RBMS1: variants seen among roughly 807,000 people sequenced by gnomAD.
RBMS1 encodes RNA-binding motif, single-stranded-interacting protein 1.
A neutral mutation model predicts 62.3 loss-of-function variants in RBMS1; 17 were observed. That is an observed-to-expected ratio of 0.27 (90% CI 0.19 to 0.41). RBMS1 has a LOEUF of 0.41. Among genes scored for constraint, RBMS1 ranks in the 10% least tolerant of loss-of-function variants. RBMS1 has a pLI of 1.00. For missense variants in RBMS1, 334 were observed against 504.5 expected (o/e 0.66, Z 3.24); for synonymous variants, 172 against 170.0 (o/e 1.01, Z -0.09).
chr2:160,481,893 T>G (rs548376246), intron 1 of RBMS1, among the ~76,000 whole-genome samples: 24 of 152,298 alleles, frequency 1.6e-4, no homozygotes, highest in African/African-American at 5.1e-4. Flanking sequence ...TTCTCATGCC[T>G]TGCTGGCAGG....
rs1694385862 is a variant in RBMS1, at chr2:160,383,416, A to G, written c.76-16025T>C. The stretch of plus-strand genomic sequence containing the variant: ...TTAATTACAACCACCCTATTTCCAA[A>G]TAAGGTTACATTCTGGGGTTCTGGT... On this transcript the variant is annotated intron_variant, in intron 1 of 13. Transcript: ENST00000348849. Among the ~76,000 whole-genome samples, 3 of 144,170 alleles carry G rather than the reference A, an allele frequency of 2.1e-5. No homozygotes were observed. In the Admixed American group the frequency reaches 2.1e-4, roughly 10 times the overall value. 94.6% of individuals were successfully genotyped at this position (144,170 alleles called of 152,430 possible). A position where few individuals can be genotyped will look rare whatever the true frequency, so the allele number is the denominator to read the frequency against.
chr2:160,337,524 T>C (rs1396344929), intron 2 of RBMS1, among the ~76,000 whole-genome samples: 1 of 152,164 alleles, frequency 6.6e-6, no homozygotes, highest in Non-Finnish European at 1.5e-5. Flanking sequence ...CTACAATTCT[T>C]CCTTCATTCC....
At chr2:160,447,653 G>A (rs1683712827) in intron 1 of RBMS1, among the ~76,000 whole-genome samples, 1 of 152,206 alleles carries the variant, frequency 6.6e-6, no homozygotes, top group Non-Finnish European at 1.5e-5. Flanking sequence ...CTAGAATATA[G>A]TGCAGGACAT....
chr2:160,361,641 G>T (rs753521548), intron 2 of RBMS1, among the ~76,000 whole-genome samples: 1 of 152,080 alleles, frequency 6.6e-6, no homozygotes, highest in South Asian at 2.1e-4. Context: ...AAAAAAGCCC[G>T]GTGTGCATAC....
Position 160,318,229 on chromosome 2 carries a change from T to TA in RBMS1, c.252-3dup, listed in dbSNP as rs5835799. 30,406 of 1,149,744 alleles carry TA rather than the reference T, an allele frequency of 0.026. 12 individuals carry two copies. The highest frequency in any genetic ancestry group is 0.042 in the South Asian group (2,064 of 49,030). The allele number at this position is 1,149,744 out of a possible 1,614,324, so 71.2% of individuals were successfully genotyped here. The stretch of plus-strand genomic sequence containing the variant: ...TTTGTGGAGACTATTTTCCCATATC[T>TA]AAAAAAAAAAAAAAAAAAAAAAAGG... On this transcript the variant is annotated splice_polypyrimidine_tract_variant and splice_region_variant and intron_variant, in intron 2 of 13. Transcript: ENST00000348849.
chr2:160,384,207 A>C (rs62177317), intron 1 of RBMS1, among the ~76,000 whole-genome samples: 11,657 of 152,274 alleles, frequency 0.077, 619 homozygotes, highest in South Asian at 0.19. Flanking sequence ...AAAATAAATA[A>C]ATAAATAAAT....
chr2:160,375,379 G>A (rs1258627095), intron 1 of RBMS1, among the ~76,000 whole-genome samples: 2 of 152,196 alleles, frequency 1.3e-5, no homozygotes, highest in African/African-American at 2.4e-5. Flanking sequence ...TTCTAAATAT[G>A]TAAGCTATCC....
At chr2:160,338,256 A>T (rs1465930138) in intron 2 of RBMS1, among the ~76,000 whole-genome samples, 1 of 152,222 alleles carries the variant, frequency 6.6e-6, no homozygotes, top group African/African-American at 2.4e-5. Flanking sequence ...GGCAGTTCTT[A>T]ATATGAATAA....
At chr2:160,454,415 G>A (rs1684125727) in intron 1 of RBMS1, among the ~76,000 whole-genome samples, 1 of 152,184 alleles carries the variant, frequency 6.6e-6, no homozygotes, top group Non-Finnish European at 1.5e-5. Context: ...AATGCAGTAG[G>A]TGCCATATAA....
chr2:160,396,144 C>T (rs1000177794), intron 1 of RBMS1, among the ~76,000 whole-genome samples: 2 of 151,840 alleles, frequency 1.3e-5, no homozygotes, highest in African/African-American at 4.9e-5. Context: ...ACACCAATGT[C>T]CAACTTTTTT....
At chr2:160,292,510 G>A (rs748261617) in intron 6 of RBMS1, among the ~76,000 whole-genome samples, 3 of 152,210 alleles carry the variant, frequency 2.0e-5, no homozygotes, top group Non-Finnish European at 2.9e-5. Context: ...TTGAATCTGA[G>A]AGATTTAAGG....
chr2:160,367,444 C>G (rs1693469789), intron 1 of RBMS1, 53 bp from the exon 2 acceptor site: 1 of 1,591,612 alleles, frequency 6.3e-7, no homozygotes, highest in Non-Finnish European at 8.6e-7. Context: ...AGGCTGACAC[C>G]AAATAAAATG....
At chr2:160,331,080 C>T (rs1036511110) in intron 2 of RBMS1, among the ~76,000 whole-genome samples, 1 of 152,080 alleles carries the variant, frequency 6.6e-6, no homozygotes, top group Admixed American at 6.5e-5. Context: ...AGCATGTTCC[C>T]CCACAGGTTT....
At chr2:160,365,331 A>C (rs1451742516) in intron 2 of RBMS1, among the ~76,000 whole-genome samples, 4 of 152,220 alleles carry the variant, frequency 2.6e-5, no homozygotes, top group African/African-American at 9.6e-5. Flanking sequence ...ATTGTACAAG[A>C]GCCTTCCTTT....
chr2:160,435,599 C>G (rs997825505), intron 1 of RBMS1, among the ~76,000 whole-genome samples: 1 of 152,106 alleles, frequency 6.6e-6, no homozygotes, highest in Non-Finnish European at 1.5e-5. Flanking sequence ...TTTGGAGGAC[C>G]TTTTACATTA....
chr2:160,344,362 C>G (rs1330099353), intron 2 of RBMS1, among the ~76,000 whole-genome samples: 1 of 152,110 alleles, frequency 6.6e-6, no homozygotes, highest in Non-Finnish European at 1.5e-5. Flanking sequence ...TCTGAGATAC[C>G]TTCCGTGGAG....
intron 1 of RBMS1, among the ~76,000 whole-genome samples, chr2:160,447,654 T>C (rs1683713160): frequency 6.6e-6 from 1 of 152,262 alleles, no homozygotes; most frequent in Non-Finnish European, 1.5e-5. Context: ...TAGAATATAG[T>C]GCAGGACATT....
chr2:160,361,634 A>G (rs1380351371), intron 2 of RBMS1, among the ~76,000 whole-genome samples: 2 of 152,224 alleles, frequency 1.3e-5, no homozygotes, highest in Non-Finnish European at 2.9e-5. Flanking sequence ...TATGTCTAAA[A>G]AAGCCCGGTG....
At chr2:160,472,414 T>C (rs1358904601) in intron 1 of RBMS1, among the ~76,000 whole-genome samples, 5 of 152,204 alleles carry the variant, frequency 3.3e-5, no homozygotes, top group Admixed American at 3.3e-4. Flanking sequence ...CTTTTACTGT[T>C]GCTAACAACA....
Sources: allele counts gnomAD v4.1 joint callset (sites outside exome capture counted in the v4.1 genomes callset), GRCh38; gene constraint gnomAD v4.1.1; transcripts MANE v1.5; gene names NCBI Gene and HGNC (gene_info 2026-07-23, HGNC 2026-07-21).